Variants in TECRL observed in about 807,000 individuals in gnomAD.
TECRL encodes the protein trans-2,3-enoyl-CoA reductase like.
TECRL carries 63 observed loss-of-function variants against 52.8 expected under a neutral mutation model. The ratio of observed to expected loss-of-function variants is 1.19; its 90% confidence interval spans 0.97 to 1.47. The LOEUF is 1.47. Ranked by LOEUF, TECRL falls within the 40% of genes most tolerant of loss-of-function variation. The probability of loss-of-function intolerance (pLI) is 0.00; values close to 1 mark genes in which losing one functional copy is unlikely to be tolerated. For synonymous variants in TECRL, 164 were observed against 141.9 expected, an observed-to-expected ratio of 1.16 and a Z score of -1.10; for missense variants, 482 against 429.6, an observed-to-expected ratio of 1.12 and a Z score of -1.08.
At chr4:64,338,918 C>G (rs1282361302) in intron 2 of TECRL, among the ~76,000 whole-genome samples, 1 of 152,080 alleles carries the variant, frequency 6.6e-6, no homozygotes, top group Non-Finnish European at 1.5e-5. Flanking sequence ...TTTGACCCAG[C>G]CATCCCATTA....
At chr4:64,291,058 T>G (rs144308765) in intron 8 of TECRL, among the ~76,000 whole-genome samples, 1 of 152,154 alleles carries the variant, frequency 6.6e-6, no homozygotes, top group Admixed American at 6.6e-5. Flanking sequence ...GTGTGTGGGC[T>G]TTTGTGGCAT....
intron 7 of TECRL, among the ~76,000 whole-genome samples, chr4:64,301,396 G>C (rs1272361911): frequency 6.6e-6 from 1 of 151,076 alleles, no homozygotes; most frequent in Admixed American, 6.6e-5. Context: ...ATCTGTATCA[G>C]CCATAATTCT....
chr4:64,280,728 A>G (rs962505679), intron 11 of TECRL, among the ~76,000 whole-genome samples: 8 of 152,172 alleles, frequency 5.3e-5, no homozygotes, highest in Admixed American at 2.0e-4. Context: ...ACACATACAC[A>G]TGCCTGTGCA....
At chr4:64,288,647 A>T (rs1188907998) in intron 9 of TECRL, among the ~76,000 whole-genome samples, 1 of 152,116 alleles carries the variant, frequency 6.6e-6, no homozygotes, top group Non-Finnish European at 1.5e-5. Flanking sequence ...GAAGCTCCAA[A>T]GCACTTCCCA....
chr4:64,339,056 G>T (rs1425974814), intron 2 of TECRL, among the ~76,000 whole-genome samples: 2 of 151,832 alleles, frequency 1.3e-5, no homozygotes, highest in East Asian at 3.9e-4. Context: ...ATGATAGACT[G>T]GATTAAGAAA....
chr4:64,309,351 AT>A (rs965849791), intron 6 of TECRL, among the ~76,000 whole-genome samples: 2 of 152,038 alleles, frequency 1.3e-5, no homozygotes, highest in African/African-American at 4.8e-5. Context: ...TATTTTACAT[AT>A]TTTTTCATGT....
intron 2 of TECRL, among the ~76,000 whole-genome samples, chr4:64,352,641 A>G (rs1379266505): frequency 2.6e-5 from 4 of 152,196 alleles, no homozygotes; most frequent in Admixed American, 2.6e-4. Flanking sequence ...TTTTTTAACT[A>G]TAGCATTACT....
At chr4:64,322,175 C>T (rs972814158) in intron 4 of TECRL, among the ~76,000 whole-genome samples, 1 of 152,104 alleles carries the variant, frequency 6.6e-6, no homozygotes, top group Non-Finnish European at 1.5e-5. Context: ...CAGATCACCC[C>T]ACCAGATGCC....
intron 3 of TECRL, among the ~76,000 whole-genome samples, chr4:64,323,245 A>C (rs1718029934): frequency 2.6e-5 from 4 of 151,810 alleles, no homozygotes. Context: ...AAACAGAAAA[A>C]AATTAGCCAG....
chr4:64,350,744 T>G (rs1720328638), intron 2 of TECRL, among the ~76,000 whole-genome samples: 1 of 151,534 alleles, frequency 6.6e-6, no homozygotes, highest in Non-Finnish European at 1.5e-5. Flanking sequence ...TTTCCCTGAG[T>G]CTCCAGTCTG....
At chr4:64,319,690 A>G (rs1369320301) in intron 4 of TECRL, among the ~76,000 whole-genome samples, 1 of 151,882 alleles carries the variant, frequency 6.6e-6, no homozygotes, top group African/African-American at 2.4e-5. Flanking sequence ...AATACTAAAA[A>G]CCACCCAAAT....
chr4:64,407,559 G>A (rs1366731667), intron 1 of TECRL, among the ~76,000 whole-genome samples: 1 of 151,396 alleles, frequency 6.6e-6, no homozygotes, highest in African/African-American at 2.4e-5. Context: ...ATTACTTTAA[G>A]GTGGATTGCC....
intron 1 of TECRL, among the ~76,000 whole-genome samples, chr4:64,401,114 G>T (rs1454579883): frequency 1.3e-5 from 2 of 152,058 alleles, no homozygotes; most frequent in Non-Finnish European, 2.9e-5. Context: ...TGTCTTCAGG[G>T]TTTCTACTAC....
At chr4:64,299,072 A>G (rs1723855134) in intron 8 of TECRL, 1 of 151,184 alleles carries the variant, frequency 6.6e-6, no homozygotes, top group African/African-American at 2.4e-5. Flanking sequence ...ACAAGTAATG[A>G]GTTCTTGCTA....
intron 2 of TECRL, among the ~76,000 whole-genome samples, chr4:64,357,665 T>C (rs985036920): frequency 6.6e-6 from 1 of 151,552 alleles, no homozygotes; most frequent in African/African-American, 2.4e-5. Context: ...AAATAAATTA[T>C]AGATACTCAG....
intron 1 of TECRL, among the ~76,000 whole-genome samples, chr4:64,396,298 G>A (rs977926209): frequency 1.3e-5 from 2 of 152,064 alleles, no homozygotes; most frequent in African/African-American, 4.8e-5. Context: ...GAGTACATAA[G>A]TATTCCCTTT....
At chr4:64,322,583 A>T in intron 4 of TECRL, 106 bp downstream of exon 4, 1 of 682,064 alleles carries the variant, frequency 1.5e-6, no homozygotes, top group Non-Finnish European at 2.2e-6. Context: ...AATACCTTTC[A>T]CTACATTTTG....
intron 9 of TECRL, among the ~76,000 whole-genome samples, chr4:64,282,301 T>A (rs1722868520): frequency 6.6e-6 from 1 of 152,016 alleles, no homozygotes; most frequent in Admixed American, 6.6e-5. Context: ...ATATGAATTA[T>A]AAAATTACTG....
At chr4:64,383,553 T>A (rs1456455265) in intron 1 of TECRL, among the ~76,000 whole-genome samples, 1 of 151,976 alleles carries the variant, frequency 6.6e-6, no homozygotes. Context: ...AAGCTCTCCA[T>A]TGTATTTTTA....
Sources: gnomAD v4.1 joint callset for allele counts (sites outside exome capture counted in the v4.1 genomes callset) on GRCh38, gnomAD v4.1.1 for gene constraint, MANE v1.5 for transcripts, NCBI Gene and HGNC (gene_info 2026-07-23, HGNC 2026-07-21) for gene names.